CORIN: variants seen among roughly 807,000 people sequenced by gnomAD.
The protein encoded by CORIN is corin, serine peptidase, also known as atrial natriuretic peptide-converting enzyme.
CORIN carries 117 observed loss-of-function variants against 125.3 expected under a neutral mutation model. That is an observed-to-expected ratio of 0.93 (90% CI 0.80 to 1.09). The LOEUF (loss-of-function observed/expected upper bound fraction) is 1.09, where lower values mean the gene tolerates loss of function less well. CORIN is among the 50% of genes least tolerant of loss of function. The pLI is 0.00. For missense variants in CORIN, 1,253 were observed against 1,306.7 expected (o/e 0.96, Z 0.63); for synonymous variants, 450 against 466.4 (o/e 0.96, Z 0.45).
chr4:47,743,030 C>A (rs531546878), intron 5 of CORIN, among the ~76,000 whole-genome samples: 15 of 152,026 alleles, frequency 9.9e-5, no homozygotes, highest in African/African-American at 3.4e-4. Flanking sequence ...ATTGAATATA[C>A]ACATAGAAAA....
At chr4:47,822,485 T>C (rs568209001) in intron 1 of CORIN, among the ~76,000 whole-genome samples, 1 of 152,240 alleles carries the variant, frequency 6.6e-6, no homozygotes, top group Non-Finnish European at 1.5e-5. Flanking sequence ...TAATTTAGAA[T>C]CACAATTACA....
chr4:47,786,768 A>C lies in CORIN; in HGVS notation c.366T>G (p.Thr122=), dbSNP rs1005601039. 6.2e-7 allele frequency: 1 copy of C among 1,614,218 alleles called. No homozygotes were observed. Among genetic ancestry groups the C allele is most frequent in the African/African-American group, 1.3e-5 (1 of 75,058 alleles). The change falls in exon 3 of 22, where the codon ACT becomes ACG. Residue 122 remains threonine, a synonymous_variant. Coordinates refer to ENST00000273857, the MANE Select transcript of CORIN (RefSeq NM_006587.4). ...AHPDQHVPAW[T]TDASLPGDQS... is the part of the protein sequence containing the mutation. The stretch of plus-strand genomic sequence containing the variant: ...GGTCCCCTGGGAGAGAAGCATCCGT[A>C]GTCCAGGCTGGAACGTGTTGGTCGG...
chr4:47,610,937 T>C (rs1321086032), intron 19 of CORIN, among the ~76,000 whole-genome samples: 1 of 152,120 alleles, frequency 6.6e-6, no homozygotes, highest in African/African-American at 2.4e-5. Flanking sequence ...CTCTATTCTG[T>C]TCCATTGGTC....
At chr4:47,707,809 G>A (rs962849862) in intron 5 of CORIN, among the ~76,000 whole-genome samples, 2 of 152,194 alleles carry the variant, frequency 1.3e-5, no homozygotes, top group African/African-American at 4.8e-5. Context: ...GTTAGCAGGG[G>A]CTAAAGAAGA....
In CORIN at chr4:47,661,737, C is replaced by G. The variant is rs1004818049; in HGVS notation, c.1709G>C (p.Cys570Ser). The change falls in exon 12 of 22, where the codon TGC (cysteine) becomes TCC (serine). Residue 570 changes from cysteine (C) to serine (S), a missense_variant. Coordinates refer to ENST00000273857, the MANE Select transcript of CORIN (RefSeq NM_006587.4). ...TTCCACATATTCATCAGGCATCAGGCAGGTTTGATTGTCTGAATTTTCCTC... is the reference window on the plus strand; with the variant it reads ...TTCCACATATTCATCAGGCATCAGGGAGGTTTGATTGTCTGAATTTTCCTC... ...FPEENSDNQT[C>S]LMPDEYVEEC... 6.2e-7 allele frequency: 1 copy of G among 1,612,586 alleles called. No homozygotes were observed. Among genetic ancestry groups the G allele is most frequent in the Non-Finnish European group, 8.5e-7 (1 of 1,179,192 alleles).
At chr4:47,604,858 A>T (rs893032156) in intron 19 of CORIN, among the ~76,000 whole-genome samples, 11 of 152,104 alleles carry the variant, frequency 7.2e-5, no homozygotes, top group African/African-American at 1.9e-4. Context: ...AGCAATATTT[A>T]AAAAAAATTA....
chr4:47,751,271 C>A (rs915156134), intron 4 of CORIN, among the ~76,000 whole-genome samples: 6 of 152,118 alleles, frequency 3.9e-5, no homozygotes, highest in Admixed American at 3.9e-4. Flanking sequence ...ATTATTTTTT[C>A]GGGGAGTATA....
chr4:47,832,913 G>T (rs923560046), intron 1 of CORIN, among the ~76,000 whole-genome samples: 1 of 152,130 alleles, frequency 6.6e-6, no homozygotes, highest in Non-Finnish European at 1.5e-5. Context: ...GGAGACTGAA[G>T]AAATAAATTT....
chr4:47,798,476 G>A (rs1230577430), intron 2 of CORIN, among the ~76,000 whole-genome samples: 3 of 152,050 alleles, frequency 2.0e-5, no homozygotes, highest in Non-Finnish European at 4.4e-5. Flanking sequence ...TGAGCACAAA[G>A]TTATAAACTC....
intron 16 of CORIN, among the ~76,000 whole-genome samples, chr4:47,630,334 G>A (rs989841901): frequency 3.3e-5 from 5 of 152,140 alleles, no homozygotes; most frequent in African/African-American, 4.8e-5. Context: ...ATCATCTTAC[G>A]TAAAAGGTGG....
chr4:47,780,253 T>C (rs897454905), intron 3 of CORIN, among the ~76,000 whole-genome samples: 2 of 152,076 alleles, frequency 1.3e-5, no homozygotes, highest in East Asian at 3.8e-4. Context: ...TATGTTCATA[T>C]AAGATTGTAA....
chr4:47,669,630 A>G (rs912454241), intron 10 of CORIN, among the ~76,000 whole-genome samples: 11 of 148,868 alleles, frequency 7.4e-5, no homozygotes, highest in South Asian at 2.1e-4. Flanking sequence ...GTGCAGTGGC[A>G]CGATCTGGGC....
At chr4:47,705,016 T>A (rs1174773259) in intron 5 of CORIN, among the ~76,000 whole-genome samples, 1 of 152,170 alleles carries the variant, frequency 6.6e-6, no homozygotes, top group African/African-American at 2.4e-5. Flanking sequence ...AAGAGATATC[T>A]TTTCTGAAGG....
intron 5 of CORIN, chr4:47,706,854 T>C (rs892237963): frequency 1.9e-6 from 3 of 1,598,552 alleles, no homozygotes; most frequent in African/African-American, 1.3e-5. Flanking sequence ...CACAGGGAGA[T>C]GCGTGGGCTG....
At chr4:47,625,135 A>G (rs891058685) in intron 17 of CORIN, among the ~76,000 whole-genome samples, 3 of 152,056 alleles carry the variant, frequency 2.0e-5, no homozygotes, top group African/African-American at 7.2e-5. Context: ...CTAATTTATA[A>G]TCTTTATTTT....
intron 1 of CORIN, among the ~76,000 whole-genome samples, chr4:47,836,119 T>C (rs934645134): frequency 2.0e-5 from 3 of 152,186 alleles, no homozygotes; most frequent in African/African-American, 7.2e-5. Flanking sequence ...GAAAGCATTC[T>C]ATGGAAAACC....
At chr4:47,655,041 C>T (rs1300918667) in intron 12 of CORIN, among the ~76,000 whole-genome samples, 4 of 152,098 alleles carry the variant, frequency 2.6e-5, no homozygotes, top group African/African-American at 4.8e-5. Flanking sequence ...CAGGCCCTAG[C>T]TTCCAGACAT....
chr4:47,762,153 T>A (rs1211318594), intron 4 of CORIN, among the ~76,000 whole-genome samples: 2 of 152,128 alleles, frequency 1.3e-5, no homozygotes, highest in Non-Finnish European at 2.9e-5. Context: ...TCTTAAAAAA[T>A]GCTAAAATGA....
intron 4 of CORIN, among the ~76,000 whole-genome samples, chr4:47,757,392 G>C (rs1268054598): frequency 6.6e-6 from 1 of 151,994 alleles, no homozygotes; most frequent in African/African-American, 2.4e-5. Flanking sequence ...TCAGAAGTTC[G>C]AGACCAGCCT....
Sources: gnomAD v4.1 joint callset for allele counts (sites outside exome capture counted in the v4.1 genomes callset) on GRCh38, gnomAD v4.1.1 for gene constraint, MANE v1.5 for transcripts, NCBI Gene and HGNC (gene_info 2026-07-23, HGNC 2026-07-21) for gene names.